Variants in PPM1E observed in about 807,000 individuals in gnomAD.
PPM1E encodes protein phosphatase, Mg2+/Mn2+ dependent 1E.
In PPM1E, 20 loss-of-function variants were observed where a neutral mutation model predicts 65.9. That is an observed-to-expected ratio of 0.30 (90% CI 0.21 to 0.44). The LOEUF (loss-of-function observed/expected upper bound fraction) is 0.44, where lower values mean the gene tolerates loss of function less well. Among genes scored for constraint, PPM1E ranks in the 20% least tolerant of loss-of-function variants. The probability of loss-of-function intolerance (pLI) is 1.00; values close to 1 mark genes in which losing one functional copy is unlikely to be tolerated. For missense variants in PPM1E, 713 were observed against 953.1 expected (o/e 0.75, Z 3.32); for synonymous variants, 352 against 374.9 (o/e 0.94, Z 0.70).
intron 1 of PPM1E, among the ~76,000 whole-genome samples, chr17:58,910,445 T>G (rs2051614137): frequency 6.6e-6 from 1 of 152,206 alleles, no homozygotes; most frequent in South Asian, 2.1e-4. Flanking sequence ...TAATCATAGT[T>G]GTTTTAAATT....
At chr17:58,903,649 G>A (rs191013188) in intron 1 of PPM1E, among the ~76,000 whole-genome samples, 3 of 152,192 alleles carry the variant, frequency 2.0e-5, no homozygotes, top group Admixed American at 1.3e-4. Context: ...AGACATAAAC[G>A]TACCACTTTT....
chr17:58,946,065 C>G lies in PPM1E; in HGVS notation c.465-9584C>G, dbSNP rs564987673. Among the ~76,000 whole-genome samples the G allele has an allele frequency of 3.9e-5, 6 of 152,276 alleles. No individual in the cohort carries two copies. In the South Asian group the frequency reaches 1.0e-3, roughly 26 times the overall value. The stretch of plus-strand genomic sequence containing the variant: ...TCCAGGCCTCTTATTATGGGTTGAT[C>G]TTTCTGATGCCCAGTTGCCATCCTG... On this transcript the variant is annotated intron_variant, in intron 1 of 6. Transcript: ENST00000308249.
At chr17:58,944,280 T>C (rs540154860) in intron 1 of PPM1E, among the ~76,000 whole-genome samples, 2 of 152,310 alleles carry the variant, frequency 1.3e-5, no homozygotes, top group African/African-American at 4.8e-5. Flanking sequence ...AATTTACCCA[T>C]TTAAAGTTTA....
chr17:58,953,932 G>C (rs2052277551), intron 1 of PPM1E, among the ~76,000 whole-genome samples: 1 of 152,136 alleles, frequency 6.6e-6, no homozygotes. Flanking sequence ...ATTTAGTAGA[G>C]ACGGGGTTTC....
rs151205066 is a variant in PPM1E, at chr17:58,980,083, C to A, written c.1320C>A (p.Thr440=). ...LILACDGFYD[T]VNPDEAVKVV... ...TGGCCTGTGATGGCTTCTATGACAC[C>A]GTGAACCCTGATGAGGCAGTGAAAG... is the stretch of plus-strand genomic sequence containing the variant. The change falls in exon 7 of 7, where the codon ACC becomes ACA. Residue 440 remains threonine, a synonymous_variant. Coordinates refer to ENST00000308249, the MANE Select transcript of PPM1E (RefSeq NM_014906.5). The surrounding 1 kb of genome is among the most constrained non-coding windows in gnomAD (Gnocchi z 4.7). 6.2e-7 allele frequency: 1 copy of A among 1,614,082 alleles called. No homozygotes were observed. The highest frequency in any genetic ancestry group is 8.5e-7 in the Non-Finnish European group (1 of 1,180,022).
At chr17:58,880,699 C>G (rs1261434741) in intron 1 of PPM1E, among the ~76,000 whole-genome samples, 2 of 152,154 alleles carry the variant, frequency 1.3e-5, no homozygotes, top group African/African-American at 4.8e-5. Context: ...TCTCGGCTCA[C>G]TGCAGCCTCG....
intron 1 of PPM1E, among the ~76,000 whole-genome samples, chr17:58,811,716 G>A (rs2050369814): frequency 6.6e-6 from 1 of 151,990 alleles, no homozygotes; most frequent in African/African-American, 2.4e-5. Context: ...CAGTCGCCAG[G>A]CCGGAATATG....
At chr17:58,815,562 A>G (rs1001719238) in intron 1 of PPM1E, among the ~76,000 whole-genome samples, 2 of 152,178 alleles carry the variant, frequency 1.3e-5, no homozygotes, top group African/African-American at 4.8e-5. Flanking sequence ...CTTACTTATT[A>G]TAGCTCTGTT....
chr17:58,940,972 A>G (rs549817728), intron 1 of PPM1E, among the ~76,000 whole-genome samples: 29 of 152,336 alleles, frequency 1.9e-4, no homozygotes, highest in African/African-American at 7.0e-4. Context: ...CAGCCTCCCA[A>G]AGTGTTGGGA....
At chr17:58,792,216 A>G (rs1387219240) in intron 1 of PPM1E, among the ~76,000 whole-genome samples, 1 of 150,272 alleles carries the variant, frequency 6.7e-6, no homozygotes, top group African/African-American at 2.4e-5. Flanking sequence ...GACTTTTGTC[A>G]TATCCTTTTG....
intron 1 of PPM1E, among the ~76,000 whole-genome samples, chr17:58,759,227 C>T (rs1407102580): frequency 6.6e-6 from 1 of 152,124 alleles, no homozygotes; most frequent in Non-Finnish European, 1.5e-5. Context: ...CACTGTACTC[C>T]AGCCTGAGTG....
At chr17:58,864,513 G>A (rs879579812) in intron 1 of PPM1E, among the ~76,000 whole-genome samples, 8 of 152,000 alleles carry the variant, frequency 5.3e-5, no homozygotes, top group East Asian at 3.9e-4. Context: ...GGTGGCTTGC[G>A]CCTGTAAGTC....
intron 1 of PPM1E, among the ~76,000 whole-genome samples, chr17:58,811,710 C>T (rs892896758): frequency 1.3e-5 from 2 of 151,838 alleles, no homozygotes; most frequent in Non-Finnish European, 2.9e-5. Flanking sequence ...CTCACTCAGT[C>T]GCCAGGCCGG....
intron 1 of PPM1E, among the ~76,000 whole-genome samples, chr17:58,793,643 A>C (rs2144260669): frequency 6.6e-6 from 1 of 152,208 alleles, no homozygotes; most frequent in East Asian, 1.9e-4. Flanking sequence ...AGCATGAGCC[A>C]CTGTGCCTGG....
intron 1 of PPM1E, among the ~76,000 whole-genome samples, chr17:58,900,773 G>C (rs2143468468): frequency 6.6e-6 from 1 of 152,160 alleles, no homozygotes; most frequent in South Asian, 2.1e-4. Context: ...GTTGCAATGA[G>C]TACTCTTGTT....
At chr17:58,965,120 G>A (rs2030182245) in intron 2 of PPM1E, among the ~76,000 whole-genome samples, 1 of 151,750 alleles carries the variant, frequency 6.6e-6, no homozygotes, top group Non-Finnish European at 1.5e-5. Flanking sequence ...TCATTTATAG[G>A]AGAAAAAAGG....
chr17:58,812,518 G>C (rs2050378980), intron 1 of PPM1E, among the ~76,000 whole-genome samples: 1 of 151,738 alleles, frequency 6.6e-6, no homozygotes, highest in African/African-American at 2.4e-5. Flanking sequence ...TTGTTTGAGG[G>C]ATATATTTTT....
Position 58,756,191 on chromosome 17 carries a change from A to G in PPM1E, c.194A>G (p.Glu65Gly), listed in dbSNP as rs778806333. The G allele has an allele frequency of 5.4e-5, 84 of 1,563,682 alleles. No individual in the cohort carries two copies. Among genetic ancestry groups the G allele is most frequent in the Non-Finnish European group, 6.8e-5 (79 of 1,153,898 alleles). ...EAEAAEASVE[E>G]PGEEAATVAA... is the part of the protein sequence containing the mutation. ...GAGGCGGCCGAGGCTTCGGTAGAGGAACCCGGGGAGGAGGCGGCCACGGTA... is the reference window on the plus strand; with the variant it reads ...GAGGCGGCCGAGGCTTCGGTAGAGGGACCCGGGGAGGAGGCGGCCACGGTA... The change falls in exon 1 of 7, where the codon GAA becomes GGA. Residue 65 changes from glutamate to glycine, a missense_variant. Glu to Gly is a moderately conservative substitution (Grantham distance 98, BLOSUM62 -2). Transcript: ENST00000308249.
intron 1 of PPM1E, among the ~76,000 whole-genome samples, chr17:58,811,369 C>T (rs886358098): frequency 6.6e-6 from 1 of 151,808 alleles, no homozygotes; most frequent in African/African-American, 2.4e-5. Context: ...TCTGTAATAC[C>T]ATAAAATAGG....
Sources: gnomAD v4.1 joint callset for allele counts (sites outside exome capture counted in the v4.1 genomes callset) on GRCh38, gnomAD v4.1.1 for gene constraint, Gnocchi (gnomAD v3.1) non-coding constraint, MANE v1.5 for transcripts, NCBI Gene and HGNC (gene_info 2026-07-23, HGNC 2026-07-21) for gene names.